Variants in GRID2 observed in about 807,000 individuals in gnomAD.
GRID2 encodes the protein glutamate receptor ionotropic, delta-2.
GRID2 carries 33 observed loss-of-function variants against 114.8 expected under a neutral mutation model. The ratio of observed to expected loss-of-function variants is 0.29; its 90% CI spans 0.22 to 0.38. GRID2 has a LOEUF of 0.38. Among genes scored for constraint, GRID2 ranks in the 10% least tolerant of loss-of-function variants. The pLI is 1.00. For missense variants in GRID2, 1,184 were observed against 1,257.7 expected (o/e 0.94, Z 0.89); for synonymous variants, 505 against 449.9 (o/e 1.12, Z -1.55).
At chr4:92,882,388 G>T (rs1352896925) in intron 2 of GRID2, among the ~76,000 whole-genome samples, 1 of 152,132 alleles carries the variant, frequency 6.6e-6, no homozygotes, top group Non-Finnish European at 1.5e-5. Context: ...ATATTTTACA[G>T]ATCTTAGGAA....
rs185937487 is a variant in GRID2 at position 93,447,237 on chromosome 4, T to A, written c.1546-8425T>A. Among the ~76,000 whole-genome samples, 37 of 152,106 alleles carry A rather than the reference T, an allele frequency of 2.4e-4. 2 individuals are homozygous for A. Among genetic ancestry groups the A allele is most frequent in the Admixed American group, 1.7e-3 (26 of 15,262 alleles). ...AACTTTGCTTACAGAAACGTGTTCA[T>A]CTTTAAACTCTACTTAATTACTAAA... On this transcript the variant is annotated intron_variant, in intron 10 of 15. Transcript: ENST00000282020.
chr4:92,740,999 C>T (rs552731356), intron 2 of GRID2, among the ~76,000 whole-genome samples: 75 of 152,218 alleles, frequency 4.9e-4, no homozygotes, highest in African/African-American at 1.7e-3. Context: ...GGTGATCCAC[C>T]TCCCAAAATA....
intron 8 of GRID2, among the ~76,000 whole-genome samples, chr4:93,359,496 GT>G (rs2149272429): frequency 6.6e-6 from 1 of 151,460 alleles, no homozygotes; most frequent in Admixed American, 6.6e-5. Flanking sequence ...TATTCACCCT[GT>G]TGTGTTATCA....
chr4:93,419,369 A>G (rs1195974159), intron 9 of GRID2, among the ~76,000 whole-genome samples: 2 of 151,988 alleles, frequency 1.3e-5, no homozygotes, highest in Non-Finnish European at 2.9e-5. Flanking sequence ...GATAAAAGTG[A>G]TCAAAACAAG....
chr4:92,688,037 C>CCTTTTTTTTTTTTTTTTTTTTTTT lies in GRID2; in HGVS notation c.244+97751_244+97752insCTTTTTTTTTTTTTTTTTTTTTTT, dbSNP rs1553916864. Reference sequence around the variant, plus strand: ...GCCACATTGGTTGACCCTTCTTCTTCTTTTTTTTTTTTTTTTTTTTTTTTT... The same window carrying CCTTTTTTTTTTTTTTTTTTTTTTT: ...GCCACATTGGTTGACCCTTCTTCTTCCTTTTTTTTTTTTTTTTTTTTTTTTTTTTTTTTTTTTTTTTTTTTTTTT... On this transcript the variant is annotated intron_variant, in intron 2 of 15. Coordinates refer to ENST00000282020, the MANE Select transcript of GRID2 (RefSeq NM_001510.4). Among the ~76,000 whole-genome samples, 249 of 44,676 alleles carry CCTTTTTTTTTTTTTTTTTTTTTTT rather than the reference C, an allele frequency of 5.6e-3. 39 individuals carry two copies. Among genetic ancestry groups the CCTTTTTTTTTTTTTTTTTTTTTTT allele is most frequent in the Middle Eastern group, 0.021 (1 of 48 alleles). The allele number at this position is 44,676 out of a possible 152,430, so 29.3% of individuals were successfully genotyped here. A position where few individuals can be genotyped will look rare whatever the true frequency, so the allele number is the denominator to read the frequency against.
rs543872691 is a variant in GRID2 at position 92,727,581 on chromosome 4, T to C, written c.244+137295T>C. On this transcript the variant is annotated intron_variant, in intron 2 of 15. Coordinates refer to ENST00000282020, the MANE Select transcript of GRID2 (RefSeq NM_001510.4). ...ATGCACATCAATAATGTATATACCATATATTTGTGTTGTATATGTTACAGT... is the reference window on the plus strand; with the variant it reads ...ATGCACATCAATAATGTATATACCACATATTTGTGTTGTATATGTTACAGT... Among the ~76,000 whole-genome samples the C allele has an allele frequency of 1.6e-4, 24 of 152,260 alleles. No homozygotes were observed. The East Asian group carries it at 4.6e-3, about 29-fold the overall frequency.
intron 2 of GRID2, among the ~76,000 whole-genome samples, chr4:92,935,942 G>A (rs1279342578): frequency 6.9e-6 from 1 of 145,522 alleles, no homozygotes; most frequent in East Asian, 2.2e-4. Context: ...GCTAAATGAG[G>A]AGTTAATGGG....
chr4:93,232,558 A>T (rs921568445), intron 7 of GRID2, among the ~76,000 whole-genome samples: 3 of 149,942 alleles, frequency 2.0e-5, no homozygotes, highest in African/African-American at 7.3e-5. Context: ...TTAGTAAGTG[A>T]ACTAAATTGT....
At chr4:92,778,731 G>A (rs1356632839) in intron 2 of GRID2, among the ~76,000 whole-genome samples, 1 of 152,048 alleles carries the variant, frequency 6.6e-6, no homozygotes, top group Non-Finnish European at 1.5e-5. Context: ...TGAGCGCAGA[G>A]TTAAAGTCTT....
At chr4:92,542,866 C>G (rs1030740944) in intron 1 of GRID2, among the ~76,000 whole-genome samples, 2 of 151,872 alleles carry the variant, frequency 1.3e-5, no homozygotes, top group African/African-American at 2.4e-5. Flanking sequence ...GATTATAGTA[C>G]GTGTGGGTTC....
At chr4:93,185,826 C>T (rs1001984725) in intron 4 of GRID2, among the ~76,000 whole-genome samples, 3 of 151,968 alleles carry the variant, frequency 2.0e-5, no homozygotes, top group Non-Finnish European at 4.4e-5. Flanking sequence ...ATACATGTGC[C>T]GTGTTGGTTT....
At chr4:93,187,151 G>C (rs1263375021) in intron 4 of GRID2, among the ~76,000 whole-genome samples, 1 of 152,140 alleles carries the variant, frequency 6.6e-6, no homozygotes, top group African/African-American at 2.4e-5. Flanking sequence ...TTGATGAGTA[G>C]GTTTTCATGT....
At chr4:93,715,936 A>T (rs1403320956) in intron 14 of GRID2, among the ~76,000 whole-genome samples, 1 of 152,084 alleles carries the variant, frequency 6.6e-6, no homozygotes, top group Non-Finnish European at 1.5e-5. Context: ...CTCTTGCCTA[A>T]TTGCCCTGGC....
rs1723148899 is a variant in GRID2 at position 93,455,946 on chromosome 4, G to A, written c.1830G>A (p.Trp610Ter). 1 of 1,605,592 alleles carries A rather than the reference G, an allele frequency of 6.2e-7. No individual in the cohort carries two copies. The highest frequency in any genetic ancestry group is 1.1e-5 in the South Asian group (1 of 90,938). ...CTACTACTCTCTACAACTCCATGTG[G>A]TTTGTGTATGGATCTTTTGTACAAC... ...MTSTTLYNSMWFVYGSFVQQG... is the reference protein window; with the variant it reads ...MTSTTLYNSM The change falls in exon 11 of 16, where the codon TGG (tryptophan) becomes TGA (stop). Residue 610 changes from tryptophan (W) to a stop codon, truncating the protein, a stop_gained. Coordinates refer to ENST00000282020, the MANE Select transcript of GRID2 (RefSeq NM_001510.4). LOFTEE classifies it high-confidence loss of function.
At chr4:92,683,680 AT>A (rs542725645) in intron 2 of GRID2, among the ~76,000 whole-genome samples, 141 of 151,622 alleles carry the variant, frequency 9.3e-4, no homozygotes, top group African/African-American at 3.1e-3. Context: ...TATTAAAAAA[AT>A]ACATCAAAGC....
intron 14 of GRID2, among the ~76,000 whole-genome samples, chr4:93,746,158 T>C (rs542408743): frequency 1.4e-4 from 22 of 152,260 alleles, no homozygotes; most frequent in African/African-American, 5.3e-4. Flanking sequence ...ATCCTGAAGT[T>C]CATGTGTCAT....
chr4:92,692,662 T>C (rs1734232214), intron 2 of GRID2, among the ~76,000 whole-genome samples: 1 of 151,974 alleles, frequency 6.6e-6, no homozygotes, highest in African/African-American at 2.4e-5. Context: ...TGGGGTAAAG[T>C]GGTGAGAGAA....
intron 14 of GRID2, among the ~76,000 whole-genome samples, chr4:93,650,349 T>G (rs1406601610): frequency 2.0e-5 from 3 of 152,048 alleles, no homozygotes; most frequent in Non-Finnish European, 2.9e-5. Flanking sequence ...TGGGGAATTA[T>G]ATGTTATTTT....
chr4:92,982,689 AT>A (rs1754292099), intron 2 of GRID2, among the ~76,000 whole-genome samples: 1 of 152,116 alleles, frequency 6.6e-6, no homozygotes, highest in Admixed American at 6.6e-5. Flanking sequence ...CTCCATGGAC[AT>A]TCAGATTCCA....
Sources: allele counts gnomAD v4.1 joint callset (sites outside exome capture counted in the v4.1 genomes callset), GRCh38; gene constraint gnomAD v4.1.1; transcripts MANE v1.5; gene names NCBI Gene and HGNC (gene_info 2026-07-23, HGNC 2026-07-21).